AAGAB: variants seen among roughly 807,000 people sequenced by gnomAD.
AAGAB encodes the protein alpha- and gamma-adaptin-binding protein p34.
In AAGAB, 38 loss-of-function variants were observed where a neutral mutation model predicts 44.1. The ratio of observed to expected loss-of-function variants is 0.86; its 90% CI spans 0.67 to 1.13. The LOEUF (loss-of-function observed/expected upper bound fraction) is 1.13, where lower values mean the gene tolerates loss of function less well. Among genes scored for constraint, AAGAB ranks in the 50% most tolerant of loss-of-function variants. AAGAB has a pLI of 0.00. For synonymous variants in AAGAB, 131 were observed against 131.8 expected (o/e 0.99, Z 0.04); for missense variants, 450 against 373.8 (o/e 1.20, Z -1.68).
At chr15:67,243,355 C>G (rs930269003) in intron 1 of AAGAB, among the ~76,000 whole-genome samples, 1 of 152,176 alleles carries the variant, frequency 6.6e-6, no homozygotes, top group African/African-American at 2.4e-5. Context: ...AGTGTCACAT[C>G]TGATGGACAA....
At chr15:67,234,240 G>A (rs1964412046) in intron 4 of AAGAB, among the ~76,000 whole-genome samples, 1 of 151,992 alleles carries the variant, frequency 6.6e-6, no homozygotes, top group Non-Finnish European at 1.5e-5. Flanking sequence ...GCAACAGAGA[G>A]AGACTCTGTC....
intron 1 of AAGAB, among the ~76,000 whole-genome samples, chr15:67,246,303 A>G (rs1964719820): frequency 6.6e-6 from 1 of 151,828 alleles, no homozygotes; most frequent in African/African-American, 2.4e-5. Context: ...GAGGCAGGAG[A>G]ATCACTTGAG....
At chr15:67,221,034 C>A (rs1307531504) in intron 5 of AAGAB, 1 of 152,226 alleles carries the variant, frequency 6.6e-6, no homozygotes, top group Non-Finnish European at 1.5e-5. Context: ...CTGCCTTATA[C>A]ATACCCTGTA....
chr15:67,240,161 A>G (rs1185079682), intron 1 of AAGAB, among the ~76,000 whole-genome samples: 1 of 152,232 alleles, frequency 6.6e-6, no homozygotes, highest in East Asian at 1.9e-4. Context: ...TAGGGGCACA[A>G]TTATATACGG....
In AAGAB at chr15:67,228,437, T is replaced by C. The variant is rs201975903; in HGVS notation, c.535+3377A>G. Among the ~76,000 whole-genome samples the C allele has an allele frequency of 3.3e-5, 5 of 152,174 alleles. No individual in the cohort carries two copies. In the East Asian group the frequency reaches 9.6e-4, roughly 29 times the overall value. Reference sequence around the variant, plus strand: ...AGAGATAACCACATAAATGAAAATCTCCTTATTGTGGCTATGATTAAAAAG... The same window carrying C: ...AGAGATAACCACATAAATGAAAATCCCCTTATTGTGGCTATGATTAAAAAG... On this transcript the variant is annotated intron_variant, in intron 5 of 9. Transcript: ENST00000261880.
At chr15:67,209,929 C>A (rs1963775223) in intron 5 of AAGAB, among the ~76,000 whole-genome samples, 1 of 152,140 alleles carries the variant, frequency 6.6e-6, no homozygotes, top group Non-Finnish European at 1.5e-5. Context: ...GCCCCCGAAA[C>A]TGCCAGGATT....
In AAGAB at chr15:67,252,598, C is replaced by T. The variant is rs539895308; in HGVS notation, c.73+1961G>A. ...ATGGCTATTTTCTTTTCTCTGTATG[C>T]TAAATTTTACTTAGTATGCACTAGT... On this transcript the variant is annotated intron_variant, in intron 1 of 9. Transcript: ENST00000261880. Among the ~76,000 whole-genome samples, 18 of 151,746 alleles carry T rather than the reference C, an allele frequency of 1.2e-4. 1 individual carries two copies. The East Asian group carries it at 3.5e-3, about 29-fold the overall frequency.
intron 1 of AAGAB, among the ~76,000 whole-genome samples, chr15:67,240,215 C>G (rs755962311): frequency 5.3e-5 from 8 of 152,222 alleles, no homozygotes; most frequent in Non-Finnish European, 1.5e-5. Context: ...CTATGACATT[C>G]AGGTATTTAT....
upstream of AAGAB, chr15:67,254,751 G>A (rs2140412036): frequency 1.5e-6 from 2 of 1,341,572 alleles, no homozygotes. Flanking sequence ...AGGCTGGCCT[G>A]ACCCCGCCCC....
chr15:67,240,253 G>C (rs1964564343), intron 1 of AAGAB, among the ~76,000 whole-genome samples: 1 of 152,168 alleles, frequency 6.6e-6, no homozygotes, highest in Non-Finnish European at 1.5e-5. Context: ...CAGTGATCTT[G>C]AGGTTTTTTT....
chr15:67,236,789 T>C lies in AAGAB; in HGVS notation c.105A>G (p.Glu35=), dbSNP rs1185149403. ...ATCTCACAGCATCATTGGAAGTCACTTCCACAATAAGATCTTCTGTTCCAA... is the reference window on the plus strand; with the variant it reads ...ATCTCACAGCATCATTGGAAGTCACCTCCACAATAAGATCTTCTGTTCCAA... The part of the protein sequence containing the change: ...HILGTEDLIV[E]VTSNDAVRFY... Residue 35 remains glutamate, a synonymous_variant, in exon 2 of 10, where the codon GAA becomes GAG. Transcript: ENST00000261880. 2.5e-6 allele frequency: 4 copies of C among 1,611,226 alleles called. No homozygotes were observed. The highest frequency in any genetic ancestry group is 3.4e-6 in the Non-Finnish European group (4 of 1,179,036).
intron 5 of AAGAB, among the ~76,000 whole-genome samples, chr15:67,222,242 G>GCACACACACACACA (rs370826027): frequency 6.7e-4 from 60 of 90,120 alleles, no homozygotes; most frequent in East Asian, 4.3e-3. Flanking sequence ...GCGCGCGCGC[G>GCACACACACACACA]CACACACACA....
At chr15:67,207,029 C>T (rs1284836495) in intron 7 of AAGAB, among the ~76,000 whole-genome samples, 3 of 152,030 alleles carry the variant, frequency 2.0e-5, no homozygotes, top group Admixed American at 1.3e-4. Flanking sequence ...TAAAAAACAA[C>T]ACAAAACAAA....
chr15:67,216,455 A>C (rs1452449326), intron 5 of AAGAB, among the ~76,000 whole-genome samples: 1 of 148,312 alleles, frequency 6.7e-6, no homozygotes, highest in African/African-American at 2.5e-5. Flanking sequence ...AAAAAAAAAA[A>C]AAAAAAAAAA....
In AAGAB at chr15:67,219,415, G is replaced by A. The variant is rs138876789; in HGVS notation, c.536-9871C>T. On this transcript the variant is annotated intron_variant, in intron 5 of 9. Coordinates refer to ENST00000261880, the MANE Select transcript of AAGAB (RefSeq NM_024666.5). ...TAGCAAAGATGGGGAATCAACCCAG[G>A]TGCCTATCAACGGTGGATTAGACAA... 3.4e-3 allele frequency among the ~76,000 whole-genome samples: 515 copies of A among 152,258 alleles called. 2 individuals carry two copies. The highest frequency in any genetic ancestry group is 5.7e-3 in the Non-Finnish European group (385 of 68,010).
intron 5 of AAGAB, among the ~76,000 whole-genome samples, chr15:67,229,426 C>T (rs1481028240): frequency 6.8e-6 from 1 of 146,632 alleles, no homozygotes; most frequent in African/African-American, 2.5e-5. Context: ...GAGCGAGAGT[C>T]CGTCTTAAAA....
Position 67,236,050 on chromosome 15 carries a change from G to C in AAGAB, c.380C>G (p.Ala127Gly), listed in dbSNP as rs1049047362. Residue 127 changes from alanine (A) to glycine (G), a missense_variant, in exon 4 of 10, where the codon GCT becomes GGT. Coordinates refer to ENST00000261880, the MANE Select transcript of AAGAB (RefSeq NM_024666.5). Reference protein sequence around the residue: ...VSEDGINRQKAQEWCIKHGFE... With the variant: ...VSEDGINRQKGQEWCIKHGFE... ...GCCATGTTTGATGCACCATTCTTGA[G>C]CTTTTTGTCGGTTTATACCTAAAAT... The C allele has an allele frequency of 1.2e-6, 2 of 1,612,376 alleles. No homozygotes were observed. The highest frequency in any genetic ancestry group is 1.7e-6 in the Non-Finnish European group (2 of 1,179,118).
At chr15:67,254,478 C>T (rs2140410596) in intron 1 of AAGAB, 81 bp downstream of exon 1, 2 of 1,508,700 alleles carry the variant, frequency 1.3e-6, no homozygotes, top group East Asian at 4.9e-5. Context: ...GGGACAAGGC[C>T]CAGAGAGGCC....
chr15:67,253,087 G>C (rs1175610881), intron 1 of AAGAB, among the ~76,000 whole-genome samples: 1 of 152,196 alleles, frequency 6.6e-6, no homozygotes, highest in Non-Finnish European at 1.5e-5. Flanking sequence ...CAGACTCGGG[G>C]ATAAGCACAA....
Sources: gnomAD v4.1 joint callset for allele counts (sites outside exome capture counted in the v4.1 genomes callset) on GRCh38, gnomAD v4.1.1 for gene constraint, MANE v1.5 for transcripts, NCBI Gene and HGNC (gene_info 2026-07-23, HGNC 2026-07-21) for gene names.